LRP1B: variants seen among roughly 807,000 people sequenced by gnomAD.
LRP1B encodes LDL receptor related protein 1B, also known as low-density lipoprotein receptor-related protein 1B.
Under a neutral mutation model 556.6 loss-of-function variants are expected in LRP1B, and 217 were observed. That is an observed-to-expected ratio of 0.39 (90% confidence interval 0.35 to 0.44). The LOEUF (loss-of-function observed/expected upper bound fraction) is 0.44, where lower values mean the gene tolerates loss of function less well. Among genes scored for constraint, LRP1B ranks in the 20% least tolerant of loss-of-function variants. The pLI is 1.00. For missense variants in LRP1B, 5,053 were observed against 5,620.8 expected (o/e 0.90, Z 3.23); for synonymous variants, 2,047 against 1,865.8 (o/e 1.10, Z -2.50).
chr2:141,559,302 T>C (rs1210258880), intron 2 of LRP1B, among the ~76,000 whole-genome samples: 1 of 151,698 alleles, frequency 6.6e-6, no homozygotes, highest in Non-Finnish European at 1.5e-5. Context: ...CTATGATTGA[T>C]TTCTGTCAGC....
chr2:140,809,602 T>C (rs1690847176), intron 32 of LRP1B, among the ~76,000 whole-genome samples: 1 of 152,202 alleles, frequency 6.6e-6, no homozygotes, highest in African/African-American at 2.4e-5. Flanking sequence ...TATTCATAAA[T>C]AAATGACTGC....
At chr2:141,763,313 A>C (rs1694622323) in intron 2 of LRP1B, among the ~76,000 whole-genome samples, 1 of 152,150 alleles carries the variant, frequency 6.6e-6, no homozygotes, top group African/African-American at 2.4e-5. Context: ...ATTTGATTTA[A>C]ATGTTGATGT....
chr2:140,345,827 C>CATATAT (rs1010238179), intron 77 of LRP1B, among the ~76,000 whole-genome samples: 1 of 131,974 alleles, frequency 7.6e-6, no homozygotes. Flanking sequence ...TACATATATA[C>CATATAT]ATATATATAT....
At chr2:141,816,611 C>T (rs117055661) in intron 1 of LRP1B, among the ~76,000 whole-genome samples, 1 of 152,050 alleles carries the variant, frequency 6.6e-6, no homozygotes, top group Non-Finnish European at 1.5e-5. Flanking sequence ...TTCCAAACGG[C>T]CTATTGTGGG....
Position 142,003,505 on chromosome 2 carries a change from C to G in LRP1B, c.82+127143G>C, listed in dbSNP as rs149331614. On this transcript the variant is annotated intron_variant, in intron 1 of 90. Coordinates refer to ENST00000389484, the MANE Select transcript of LRP1B (RefSeq NM_018557.3). ...TTAAGATGCAGCTGTTATTCATTCC[C>G]TCTGCCAGCCCCCTCTGCACAACCA... Among the ~76,000 whole-genome samples the G allele has an allele frequency of 2.0e-5, 3 of 152,280 alleles. 1 individual carries two copies. The highest frequency in any genetic ancestry group is 4.4e-5 in the Non-Finnish European group (3 of 68,026).
chr2:140,725,813 C>T lies in LRP1B; in HGVS notation c.5759-8997G>A, dbSNP rs189332452. The stretch of plus-strand genomic sequence containing the variant: ...CTCACATCATATCCTTGACTCCTCC[C>T]TCTTCTTCTTCATCTCAATTTATCA... On this transcript the variant is annotated intron_variant, in intron 35 of 90. Transcript: ENST00000389484. 2.6e-5 allele frequency among the ~76,000 whole-genome samples: 4 copies of T among 152,172 alleles called. No individual in the cohort carries two copies. In the East Asian group the frequency reaches 5.8e-4, roughly 22 times the overall value.
rs11352164 is a variant in LRP1B at position 140,803,260 on chromosome 2, G to GTTTTTTT, written c.5359+10390_5359+10396dup. Among the ~76,000 whole-genome samples the GTTTTTTT allele has an allele frequency of 2.6e-4, 27 of 102,232 alleles. 2 individuals are homozygous for GTTTTTTT. The highest frequency in any genetic ancestry group is 5.6e-4 in the African/African-American group (11 of 19,628). 67.1% of individuals were successfully genotyped at this position (102,232 alleles called of 152,430 possible). A position where few individuals can be genotyped will look rare whatever the true frequency, so the allele number is the denominator to read the frequency against. On this transcript the variant is annotated intron_variant, in intron 32 of 90. Transcript: ENST00000389484. Reference sequence around the variant, plus strand: ...GTGGTCAGTATTAGTCCTATTGAAAGTTTTTTTTTTTTTTTTTTTTTTTTT... The same window carrying GTTTTTTT: ...GTGGTCAGTATTAGTCCTATTGAAAGTTTTTTTTTTTTTTTTTTTTTTTTTTTTTTTT...
intron 2 of LRP1B, among the ~76,000 whole-genome samples, chr2:141,542,976 T>C (rs891661966): frequency 6.6e-6 from 1 of 152,162 alleles, no homozygotes; most frequent in Non-Finnish European, 1.5e-5. Flanking sequence ...AACTATCTCA[T>C]TAAGTGAAAA....
At chr2:141,329,642 T>TC (rs1687562078) in intron 3 of LRP1B, among the ~76,000 whole-genome samples, 1 of 12,858 alleles carries the variant, frequency 7.8e-5, no homozygotes, top group African/African-American at 6.5e-4. Flanking sequence ...AGACTCTGTC[T>TC]CAAAAAAAAA....
intron 35 of LRP1B, among the ~76,000 whole-genome samples, chr2:140,723,426 A>C (rs996838259): frequency 6.6e-6 from 1 of 152,204 alleles, no homozygotes; most frequent in Non-Finnish European, 1.5e-5. Context: ...AGATGAAAAG[A>C]CTTTGAGAAT....
chr2:140,250,460 TAGC>T (rs1483327322), intron 86 of LRP1B, among the ~76,000 whole-genome samples: 2 of 151,846 alleles, frequency 1.3e-5, no homozygotes, highest in Admixed American at 1.3e-4. Context: ...GTACTGCTCT[TAGC>T]AGTTTCCTGC....
chr2:142,086,557 G>A (rs7562223), intron 1 of LRP1B, among the ~76,000 whole-genome samples: 112,499 of 151,334 alleles, frequency 0.74, 42,280 homozygotes, highest in Non-Finnish European at 0.78. Context: ...GGTCTCAGTG[G>A]GCCTAAGTCG....
chr2:141,933,801 C>T (rs752462172), intron 1 of LRP1B, among the ~76,000 whole-genome samples: 71 of 152,262 alleles, frequency 4.7e-4, no homozygotes, highest in Admixed American at 1.8e-3. Context: ...AGAGGTTCTA[C>T]AAAGCTCTAA....
chr2:141,350,911 A>G lies in LRP1B; in HGVS notation c.344-96270T>C, dbSNP rs561888368. Among the ~76,000 whole-genome samples the G allele has an allele frequency of 2.2e-4, 34 of 152,188 alleles. No homozygotes were observed. The South Asian group carries it at 6.6e-3, about 30-fold the overall frequency. On this transcript the variant is annotated intron_variant, in intron 3 of 90. Transcript: ENST00000389484. ...TAATGATGGTTTTACCTACTTTATG[A>G]GAAATATAGATTGATTCATTGTGCA...
chr2:140,292,925 T>C (rs925464239), intron 84 of LRP1B, among the ~76,000 whole-genome samples: 7 of 152,162 alleles, frequency 4.6e-5, no homozygotes, highest in African/African-American at 1.4e-4. Flanking sequence ...TACTTGATAG[T>C]CTGTGGTTCT....
chr2:141,876,380 T>C (rs1031266196), intron 1 of LRP1B, among the ~76,000 whole-genome samples: 1 of 151,872 alleles, frequency 6.6e-6, no homozygotes, highest in African/African-American at 2.4e-5. Flanking sequence ...TAAGACCAGG[T>C]AATTAGTCTA....
At chr2:141,692,449 T>G (rs1691572479) in intron 2 of LRP1B, among the ~76,000 whole-genome samples, 1 of 152,044 alleles carries the variant, frequency 6.6e-6, no homozygotes, top group Admixed American at 6.6e-5. Flanking sequence ...TTTGTTCCAC[T>G]TAACCAATTC....
intron 6 of LRP1B, among the ~76,000 whole-genome samples, chr2:141,212,443 T>A (rs1454464237): frequency 6.8e-6 from 1 of 148,108 alleles, no homozygotes; most frequent in Non-Finnish European, 1.5e-5. Context: ...CACGCCCGGA[T>A]AATTTTTTTT....
chr2:140,526,094 G>A (rs1690420582), intron 48 of LRP1B, 101 bp from the exon 49 acceptor site: 3 of 1,379,086 alleles, frequency 2.2e-6, no homozygotes, highest in Non-Finnish European at 1.0e-6. Flanking sequence ...TTCATTTGAG[G>A]AAATAGATAC....
Sources: allele counts gnomAD v4.1 joint callset (sites outside exome capture counted in the v4.1 genomes callset), GRCh38; gene constraint gnomAD v4.1.1; transcripts MANE v1.5; gene names NCBI Gene and HGNC (gene_info 2026-07-23, HGNC 2026-07-21).